The following AIG1 variants were observed in gnomAD, a reference collection of about 807,000 sequenced individuals.
AIG1 encodes the protein androgen-induced gene 1 protein.
Under a neutral mutation model 31.4 loss-of-function variants are expected in AIG1, and 23 were observed. That is an observed-to-expected ratio of 0.73 (90% CI 0.53 to 1.04). The LOEUF is 1.04. Ranked by LOEUF, AIG1 falls within the 50% of genes least tolerant of loss-of-function variation. AIG1 has a pLI of 0.00. For synonymous variants in AIG1, 100 were observed against 110.5 expected, an observed-to-expected ratio of 0.90 and a Z score of 0.60; for missense variants, 274 against 295.0, an observed-to-expected ratio of 0.93 and a Z score of 0.52.
At chr6:143,307,467 C>T (rs977074598) in intron 4 of AIG1, among the ~76,000 whole-genome samples, 9 of 152,230 alleles carry the variant, frequency 5.9e-5, no homozygotes, top group Admixed American at 3.3e-4. Context: ...AGGTCCACTC[C>T]AGACCCTGTT....
At position 143,333,200 on chromosome 6, in the gene AIG1, A is replaced by C. The variant is rs989356249; in HGVS notation, c.516-82A>C. On this transcript the variant is annotated intron_variant, in intron 4 of 5. Transcript: ENST00000357847. The surrounding 1 kb of genome is among the most constrained non-coding windows in gnomAD (Gnocchi z 4.6). Reference sequence around the variant, plus strand: ...TGCTGAAGCATGGGGAGAGTGAGGGAGTGTATATTTGCATCATAGCAGCTT... The same window carrying C: ...TGCTGAAGCATGGGGAGAGTGAGGGCGTGTATATTTGCATCATAGCAGCTT... 7.5e-7 allele frequency: 1 copy of C among 1,338,428 alleles called. No individual in the cohort carries two copies. Among genetic ancestry groups the C allele is most frequent in the Non-Finnish European group, 1.0e-6 (1 of 1,000,508 alleles). The allele number at this position is 1,338,428 out of a possible 1,614,324, so 82.9% of individuals were successfully genotyped here.
chr6:143,131,654 A>G (rs751252741), intron 1 of AIG1, among the ~76,000 whole-genome samples: 17 of 152,220 alleles, frequency 1.1e-4, no homozygotes, highest in Admixed American at 2.0e-4. Flanking sequence ...CCAATAAAGA[A>G]ACACGAATCT....
chr6:143,181,942 C>A (rs1266077205), intron 3 of AIG1, among the ~76,000 whole-genome samples: 1 of 152,124 alleles, frequency 6.6e-6, no homozygotes, highest in Non-Finnish European at 1.5e-5. Context: ...AGAGTCAAAT[C>A]ATACACTTCT....
intron 1 of AIG1, among the ~76,000 whole-genome samples, chr6:143,107,695 GAATTCT>G (rs1780926119): frequency 6.6e-6 from 1 of 152,166 alleles, no homozygotes; most frequent in Non-Finnish European, 1.5e-5. Context: ...AAGAGGGGAA[GAATTCT>G]AGGTCAGAGG....
At chr6:143,079,125 A>G (rs185753176) in intron 1 of AIG1, among the ~76,000 whole-genome samples, 21 of 151,678 alleles carry the variant, frequency 1.4e-4, no homozygotes, top group Admixed American at 1.3e-3. Flanking sequence ...AACAAAACGT[A>G]TTTTCTCTCC....
chr6:143,214,926 A>G lies in AIG1; in HGVS notation c.399+49743A>G, dbSNP rs116137794. 2.8e-3 allele frequency among the ~76,000 whole-genome samples: 419 copies of G among 152,176 alleles called. 4 individuals are homozygous for G. Among genetic ancestry groups the G allele is most frequent in the African/African-American group, 9.3e-3 (385 of 41,518 alleles). ...GCACCTCAAATTGTAAGCCTTTCCT[A>G]TGTGCTTTCCATGGTGTACAAATAT... is the stretch of plus-strand genomic sequence containing the variant. On this transcript the variant is annotated intron_variant, in intron 3 of 5. Coordinates refer to ENST00000357847, the MANE Select transcript of AIG1 (RefSeq NM_016108.4).
chr6:143,262,822 T>C (rs1562535827), intron 3 of AIG1, among the ~76,000 whole-genome samples: 1 of 152,304 alleles, frequency 6.6e-6, no homozygotes, highest in East Asian at 1.9e-4. Flanking sequence ...AGATGAATCA[T>C]GCATTTTACA....
chr6:143,196,350 A>AACACACGCGCAC (rs1031872426), intron 3 of AIG1, among the ~76,000 whole-genome samples: 6 of 141,720 alleles, frequency 4.2e-5, no homozygotes, highest in African/African-American at 1.6e-4. Flanking sequence ...CAACAAAAGC[A>AACACACGCGCAC]ACACACACAC....
At chr6:143,320,321 T>C (rs1385114906) in intron 4 of AIG1, among the ~76,000 whole-genome samples, 3 of 152,128 alleles carry the variant, frequency 2.0e-5, no homozygotes, top group Non-Finnish European at 4.4e-5. Context: ...TCCTCAAAAG[T>C]AGAAACAGAA....
chr6:143,169,791 T>C (rs1023097901), intron 3 of AIG1, among the ~76,000 whole-genome samples: 3 of 152,198 alleles, frequency 2.0e-5, no homozygotes, highest in Non-Finnish European at 4.4e-5. Flanking sequence ...CTATACCTAA[T>C]TTGTTGAGAG....
rs1172564548 is a variant in AIG1, at chr6:143,213,510, T to TC, written c.399+48327_399+48328insC. 6.3e-4 allele frequency among the ~76,000 whole-genome samples: 51 copies of TC among 81,338 alleles called. 1 individual carries two copies. Among genetic ancestry groups the TC allele is most frequent in the Admixed American group, 5.1e-3 (41 of 8,108 alleles). The allele number at this position is 81,338 out of a possible 152,430, so 53.4% of individuals were successfully genotyped here. On this transcript the variant is annotated intron_variant, in intron 3 of 5. Transcript: ENST00000357847. ...AAAGTTCTTTCTTTTTCTTTCTTCT[T>TC]TTTTTTTTTTTTTTTTTTTTTTTTG...
chr6:143,061,135 T>C, intron 1 of AIG1, 69 bp downstream of exon 1: 1 of 1,558,878 alleles, frequency 6.4e-7, no homozygotes, highest in Non-Finnish European at 8.8e-7. Context: ...TGTGTGTGTG[T>C]GTGTGTGTGT....
intron 1 of AIG1, among the ~76,000 whole-genome samples, chr6:143,127,230 T>C (rs1344906145): frequency 6.6e-6 from 1 of 152,194 alleles, no homozygotes; most frequent in Non-Finnish European, 1.5e-5. Flanking sequence ...TCCAGGCCTT[T>C]CTTTATGACA....
chr6:143,109,689 C>G (rs371852254), intron 1 of AIG1, among the ~76,000 whole-genome samples: 1 of 151,828 alleles, frequency 6.6e-6, no homozygotes, highest in African/African-American at 2.4e-5. Flanking sequence ...TTTTTAATGA[C>G]GTGTGTGTTA....
At chr6:143,187,312 T>C in intron 3 of AIG1, 1 of 1,241,054 alleles carries the variant, frequency 8.1e-7, no homozygotes, top group Non-Finnish European at 1.1e-6. Context: ...TTCACACATA[T>C]GGCAAATATG....
In AIG1 at chr6:143,325,715, A is replaced by T. The variant is rs1456190546; in HGVS notation, c.516-7567A>T. 2.0e-5 allele frequency among the ~76,000 whole-genome samples: 3 copies of T among 152,258 alleles called. No individual in the cohort carries two copies. The highest frequency in any genetic ancestry group is 7.2e-5 in the African/African-American group (3 of 41,476). ...TCAAATTTCTTTTACAGGTATACAC[A>T]CATAACTGAAATAGAAGTTTCACAA... On this transcript the variant is annotated intron_variant, in intron 4 of 5. Transcript: ENST00000357847. The surrounding 1 kb of genome is among the most constrained non-coding windows in gnomAD (Gnocchi z 4.3).
intron 3 of AIG1, chr6:143,188,124 C>A: frequency 9.9e-7 from 1 of 1,006,768 alleles, no homozygotes; most frequent in Non-Finnish European, 1.2e-6. Context: ...GAAGGATAAG[C>A]CGCAAATGAG....
intron 1 of AIG1, among the ~76,000 whole-genome samples, chr6:143,114,443 T>A (rs1287961537): frequency 6.6e-6 from 1 of 152,180 alleles, no homozygotes; most frequent in Non-Finnish European, 1.5e-5. Context: ...TGGAAGAACA[T>A]CTCTGATTCC....
intron 1 of AIG1, among the ~76,000 whole-genome samples, chr6:143,098,036 T>A (rs1029431762): frequency 6.6e-6 from 1 of 152,176 alleles, no homozygotes; most frequent in Non-Finnish European, 1.5e-5. Context: ...TCCACAAACA[T>A]AGTGTGCTAT....
Sources: gnomAD v4.1 joint callset for allele counts (sites outside exome capture counted in the v4.1 genomes callset) on GRCh38, gnomAD v4.1.1 for gene constraint, Gnocchi (gnomAD v3.1) non-coding constraint, MANE v1.5 for transcripts, NCBI Gene and HGNC (gene_info 2026-07-23, HGNC 2026-07-21) for gene names.